The following YTHDC2 variants were observed in gnomAD, a reference collection of about 807,000 sequenced individuals.
The protein encoded by YTHDC2 is 3'-5' RNA helicase YTHDC2.
YTHDC2 carries 45 observed loss-of-function variants against 174.9 expected under a neutral mutation model. The ratio of observed to expected loss-of-function variants is 0.26; its 90% CI spans 0.20 to 0.33. The LOEUF (loss-of-function observed/expected upper bound fraction) is 0.33. YTHDC2 is among the 10% of genes least tolerant of loss of function. The probability of loss-of-function intolerance (pLI) is 1.00; values close to 1 mark genes in which losing one functional copy is unlikely to be tolerated. For missense variants in YTHDC2, 1,650 were observed against 1,723.7 expected, an observed-to-expected ratio of 0.96 and a Z score of 0.76; for synonymous variants, 657 against 574.5, an observed-to-expected ratio of 1.14 and a Z score of -2.05.
chr5:113,549,942 A>T (rs1776135751), intron 12 of YTHDC2, among the ~76,000 whole-genome samples: 1 of 144,104 alleles, frequency 6.9e-6, no homozygotes, highest in African/African-American at 2.6e-5. Flanking sequence ...AATTAAAAAT[A>T]TGATAGCAGA....
intron 16 of YTHDC2, 87 bp from the exon 17 acceptor site, chr5:113,555,965 G>T: frequency 1.4e-6 from 1 of 699,002 alleles, no homozygotes; most frequent in Non-Finnish European, 2.3e-6. Flanking sequence ...TAAACTTTTG[G>T]CATGTTAAAA....
intron 23 of YTHDC2, among the ~76,000 whole-genome samples, chr5:113,570,822 T>C (rs913676824): frequency 6.6e-6 from 1 of 152,088 alleles, no homozygotes. Context: ...CACTAATTTT[T>C]TTTGTATTTT....
rs1774261908 is a variant in YTHDC2, at chr5:113,526,690, C to G, written c.580C>G (p.Pro194Ala). The G allele has an allele frequency of 3.8e-6, 6 of 1,592,772 alleles. No individual in the cohort carries two copies. The highest frequency in any genetic ancestry group is 4.3e-6 in the Non-Finnish European group (5 of 1,168,628). The change falls in exon 4 of 30, where the codon CCA becomes GCA. Residue 194 changes from proline (P) to alanine (A), a missense_variant. Around this residue, in one of 5 missense-constraint regions of YTHDC2, gnomAD observed 304 missense variants for 341.4 expected, o/e 0.89. Coordinates refer to ENST00000161863, the MANE Select transcript of YTHDC2 (RefSeq NM_022828.5). ...ATTTGATTCTTTTAGGCAGTCTTTA[C>G]CAGTGTTTGAGAAACAGGAAGAAAT... ...SEFDSFRQSLPVFEKQEEIVK... is the reference protein window; with the variant it reads ...SEFDSFRQSLAVFEKQEEIVK...
Position 113,576,075 on chromosome 5 carries a change from G to A in YTHDC2, c.3245-3511G>A, listed in dbSNP as rs182538128. On this transcript the variant is annotated intron_variant, in intron 23 of 29. Coordinates refer to ENST00000161863, the MANE Select transcript of YTHDC2 (RefSeq NM_022828.5). Reference sequence around the variant, plus strand: ...TAAGGGTTCTTTTTAGACATGTTAAGTTTGAGATGGCTAAGACACTCTAAG... The same window carrying A: ...TAAGGGTTCTTTTTAGACATGTTAAATTTGAGATGGCTAAGACACTCTAAG... Among the ~76,000 whole-genome samples, 48 of 151,930 alleles carry A rather than the reference G, an allele frequency of 3.2e-4. No individual in the cohort carries two copies. In the East Asian group the frequency reaches 9.4e-3, roughly 30 times the overall value.
intron 26 of YTHDC2, among the ~76,000 whole-genome samples, chr5:113,588,844 CGA>C (rs895746054): frequency 5.9e-5 from 9 of 151,718 alleles, no homozygotes; most frequent in African/African-American, 2.4e-5. Flanking sequence ...AGGCTGGTCT[CGA>C]ACTCCTGATC....
At chr5:113,555,520 ACGTT>A (rs560095637) in intron 16 of YTHDC2, among the ~76,000 whole-genome samples, 285 of 152,274 alleles carry the variant, frequency 1.9e-3, no homozygotes, top group Middle Eastern at 3.4e-3. Flanking sequence ...CTTCATTGTA[ACGTT>A]CGGGAAAGGC....
intron 20 of YTHDC2, among the ~76,000 whole-genome samples, chr5:113,565,256 T>C (rs1777255032): frequency 1.3e-5 from 2 of 152,162 alleles, no homozygotes; most frequent in South Asian, 4.1e-4. Flanking sequence ...TTGTTATTAA[T>C]TGGGTATATT....
intron 20 of YTHDC2, 32 bp from the exon 21 acceptor site, chr5:113,565,861 T>C (rs535750812): frequency 1.3e-6 from 2 of 1,598,218 alleles, no homozygotes; most frequent in East Asian, 2.2e-5. Context: ...TTAGTAAATG[T>C]GTCTTGTTAT....
At chr5:113,517,482 C>A (rs924361992) in intron 2 of YTHDC2, 2 of 450,954 alleles carry the variant, frequency 4.4e-6, no homozygotes, top group African/African-American at 4.0e-5. Context: ...AAGAGCTGAT[C>A]TGGAATGAAT....
At chr5:113,591,614 C>T (rs982081270) in intron 27 of YTHDC2, among the ~76,000 whole-genome samples, 2 of 152,040 alleles carry the variant, frequency 1.3e-5, no homozygotes, top group Non-Finnish European at 2.9e-5. Context: ...ACCCATCACC[C>T]ATCTTGACTT....
chr5:113,568,145 A>T (rs1417522226), intron 23 of YTHDC2, among the ~76,000 whole-genome samples: 1 of 152,152 alleles, frequency 6.6e-6, no homozygotes, highest in Non-Finnish European at 1.5e-5. Context: ...AGTTAATTGT[A>T]AAAGAAATAA....
rs1580454122 is a variant in YTHDC2 at position 113,513,804 on chromosome 5, G to C, written c.-92G>C. On this transcript the variant is annotated 5_prime_UTR_variant, in exon 1 of 30. Transcript: ENST00000161863. ...ACACAGGCCGTCTCCGGAGCTTCCC[G>C]GTAGTGGCCCCGGATTCCCACGGTC... is the stretch of plus-strand genomic sequence containing the variant. The C allele has an allele frequency of 1.4e-6, 2 of 1,397,860 alleles. No individual in the cohort carries two copies. The highest frequency in any genetic ancestry group is 2.7e-5 in the East Asian group (1 of 37,458). The allele number at this position is 1,397,860 out of a possible 1,614,324, so 86.6% of individuals were successfully genotyped here.
intron 10 of YTHDC2, among the ~76,000 whole-genome samples, chr5:113,543,374 T>C (rs1407530047): frequency 6.6e-6 from 1 of 152,184 alleles, no homozygotes; most frequent in Non-Finnish European, 1.5e-5. Flanking sequence ...TGCTGTCATA[T>C]TGCACATATA....
At chr5:113,525,500 T>C (rs1774152802) in intron 3 of YTHDC2, among the ~76,000 whole-genome samples, 1 of 152,046 alleles carries the variant, frequency 6.6e-6, no homozygotes, top group African/African-American at 2.4e-5. Context: ...ATTTCCCCTA[T>C]TTCACAGGTG....
intron 6 of YTHDC2, 44 bp from the exon 7 acceptor site, chr5:113,535,598 A>G (rs760363275): frequency 4.0e-6 from 6 of 1,510,506 alleles, no homozygotes; most frequent in Admixed American, 2.2e-5. Flanking sequence ...TTAGTCATCA[A>G]TAATGTTTTA....
chr5:113,531,453 A>G (rs1774659210), intron 4 of YTHDC2, among the ~76,000 whole-genome samples: 1 of 152,086 alleles, frequency 6.6e-6, no homozygotes, highest in Admixed American at 6.5e-5. Flanking sequence ...CCTCCTGAGT[A>G]GAGAGCAATT....
intron 23 of YTHDC2, among the ~76,000 whole-genome samples, chr5:113,571,072 A>G (rs1777684149): frequency 4.6e-5 from 7 of 152,146 alleles, no homozygotes; most frequent in Admixed American, 3.9e-4. Flanking sequence ...TTCAAGGAGA[A>G]TGCTTCCTGC....
chr5:113,536,250 G>T (rs1234402322), intron 7 of YTHDC2, among the ~76,000 whole-genome samples: 1 of 152,198 alleles, frequency 6.6e-6, no homozygotes, highest in Non-Finnish European at 1.5e-5. Context: ...GTTAGGCCGG[G>T]CGTGGGGGCT....
In YTHDC2 at chr5:113,581,487, C is replaced by G. The variant is rs1175029277; in HGVS notation, c.3425C>G (p.Ser1142Cys). 1.9e-6 allele frequency: 3 copies of G among 1,613,948 alleles called. No homozygotes were observed. The highest frequency in any genetic ancestry group is 2.2e-5 in the East Asian group (1 of 44,860). Residue 1142 changes from serine (S) to cysteine (C), a missense_variant, in exon 25 of 30, where the codon TCT becomes TGT. Physicochemically the swap from Ser to Cys is moderately radical, Grantham distance 112. Coordinates refer to ENST00000161863, the MANE Select transcript of YTHDC2 (RefSeq NM_022828.5). ...SLFLRRMRAP[S>C]KPWSQVDEAT... ...TTTTTACGCCGAATGAGAGCTCCAT[C>G]TAAACCTTGGTCTCAAGTTGATGAA...
Sources: allele counts gnomAD v4.1 joint callset (sites outside exome capture counted in the v4.1 genomes callset), GRCh38; gene constraint gnomAD v4.1.1; regional missense constraint gnomAD v4.1.1; transcripts MANE v1.5; gene names NCBI Gene and HGNC (gene_info 2026-07-23, HGNC 2026-07-21).